The following ABCA13 variants were observed in gnomAD, a reference collection of about 807,000 sequenced individuals.
The protein encoded by ABCA13 is ATP binding cassette subfamily A member 13.
In ABCA13, 476 loss-of-function variants were observed where a neutral mutation model predicts 478.7. That is an observed-to-expected ratio of 0.99 (90% confidence interval 0.92 to 1.07). ABCA13 has a LOEUF of 1.07. Ranked by LOEUF, ABCA13 falls within the 50% of genes least tolerant of loss-of-function variation. The pLI is 0.00. For missense variants in ABCA13, 6,060 were observed against 5,910.6 expected (o/e 1.03, Z -0.83); for synonymous variants, 2,252 against 2,158.9 (o/e 1.04, Z -1.20).
chr7:48,412,542 C>A lies in ABCA13; in HGVS notation c.12418C>A (p.His4140Asn), dbSNP rs776061150. 1 of 1,612,920 alleles carries A rather than the reference C, an allele frequency of 6.2e-7. No individual in the cohort carries two copies. The highest frequency in any genetic ancestry group is 8.5e-7 in the Non-Finnish European group (1 of 1,179,576). Residue 4140 changes from histidine to asparagine, a missense_variant, in exon 41 of 62, where the codon CAC (histidine) becomes AAC (asparagine). Transcript: ENST00000435803. ...QALDENLHQL[H>N]LTGYGISDTT... ...CCTGGATGAGAACCTGCATCAGCTG[C>A]ACCTGACGGGCTATGGGATCTCAGA...
chr7:48,241,478 A>G (rs909820439), intron 10 of ABCA13, among the ~76,000 whole-genome samples: 10 of 152,214 alleles, frequency 6.6e-5, no homozygotes, highest in Non-Finnish European at 2.9e-5. Flanking sequence ...GATTTTGTAT[A>G]GTTGAAGTGT....
At chr7:48,227,140 A>C in intron 5 of ABCA13, 122 bp from the exon 6 acceptor site, 2 of 867,696 alleles carry the variant, frequency 2.3e-6, no homozygotes, top group South Asian at 3.2e-5. Context: ...GTGATATATT[A>C]AGTGTGAGTT....
At chr7:48,352,532 G>T in intron 31 of ABCA13, 45 bp downstream of exon 31, 1 of 1,499,478 alleles carries the variant, frequency 6.7e-7, no homozygotes, top group Non-Finnish European at 8.9e-7. Flanking sequence ...GAAGGGCCTT[G>T]CATTTGTCTA....
rs1331933393 is a variant in ABCA13 at position 48,587,207 on chromosome 7, T to A, written c.14559T>A (p.Pro4853=). Residue 4853 remains proline, a synonymous_variant, in exon 57 of 62, where the codon CCT becomes CCA. Transcript: ENST00000435803. The part of the protein sequence containing the change: ...RLHLEAHADK[P]VATYSGGTKR... Reference sequence around the variant, plus strand: ...ACCTCGAAGCCCACGCGGACAAACCTGTGGCCACCTACAGTGGGGGAACCA... The same window carrying A: ...ACCTCGAAGCCCACGCGGACAAACCAGTGGCCACCTACAGTGGGGGAACCA... 1 of 1,612,912 alleles carries A rather than the reference T, an allele frequency of 6.2e-7. No homozygotes were observed. Among genetic ancestry groups the A allele is most frequent in the East Asian group, 2.2e-5 (1 of 44,802 alleles).
At chr7:48,452,191 C>A (rs371462271) in intron 42 of ABCA13, among the ~76,000 whole-genome samples, 1 of 152,180 alleles carries the variant, frequency 6.6e-6, no homozygotes, top group African/African-American at 2.4e-5. Flanking sequence ...TACTATGACT[C>A]CGGGTCAACA....
At chr7:48,227,178 C>T in intron 5 of ABCA13, 84 bp from the exon 6 acceptor site, 3 of 1,450,590 alleles carry the variant, frequency 2.1e-6, no homozygotes, top group Non-Finnish European at 2.9e-6. Context: ...TACAATTTTG[C>T]ACCTTTGTAG....
chr7:48,559,993 G>A (rs975381780), intron 55 of ABCA13, among the ~76,000 whole-genome samples: 2 of 152,136 alleles, frequency 1.3e-5, no homozygotes, highest in Non-Finnish European at 2.9e-5. Context: ...GGGAAGGGTG[G>A]TGCAAGAACT....
At chr7:48,436,397 C>G (rs536118777) in intron 42 of ABCA13, among the ~76,000 whole-genome samples, 1 of 151,564 alleles carries the variant, frequency 6.6e-6, no homozygotes, top group Non-Finnish European at 1.5e-5. Context: ...GTTATTTGAA[C>G]CTTCTTTCTT....
chr7:48,511,108 C>T lies in ABCA13; in HGVS notation c.13549C>T (p.Leu4517=), dbSNP rs778255007. The T allele has an allele frequency of 6.2e-7, 1 of 1,613,648 alleles. No homozygotes were observed. Among genetic ancestry groups the T allele is most frequent in the African/African-American group, 1.3e-5 (1 of 75,018 alleles). The stretch of plus-strand genomic sequence containing the variant: ...GCTCTTTTACTTGGTTTCCGTCTGC[C>T]TGTGTGTTGCCGTTATTGTCGCCTT... ...DMLFYLVSVC[L]CVAVIVAFQL... Residue 4517 remains leucine (L), a synonymous_variant, in exon 51 of 62, where the codon CTG becomes TTG. Coordinates refer to ENST00000435803, the MANE Select transcript of ABCA13 (RefSeq NM_152701.5).
At chr7:48,516,459 C>G (rs1160742927) in intron 51 of ABCA13, among the ~76,000 whole-genome samples, 2 of 152,018 alleles carry the variant, frequency 1.3e-5, no homozygotes, top group Non-Finnish European at 2.9e-5. Context: ...CTAGATGGCC[C>G]CAAAGTGCTA....
At chr7:48,561,162 G>C (rs1270287215) in intron 55 of ABCA13, among the ~76,000 whole-genome samples, 2 of 151,988 alleles carry the variant, frequency 1.3e-5, no homozygotes, top group East Asian at 3.9e-4. Context: ...CATGCAGGTT[G>C]ATTCCATAAC....
intron 30 of ABCA13, among the ~76,000 whole-genome samples, 183 bp from the exon 31 acceptor site, chr7:48,351,998 C>T (rs959215822): frequency 6.6e-6 from 1 of 152,210 alleles, no homozygotes; most frequent in South Asian, 2.1e-4. Context: ...TTTAGGCTTA[C>T]CACCAATTGC....
intron 56 of ABCA13, among the ~76,000 whole-genome samples, chr7:48,585,296 G>A (rs894915885): frequency 6.6e-6 from 1 of 152,132 alleles, no homozygotes; most frequent in African/African-American, 2.4e-5. Context: ...GAAAAAGGAT[G>A]ATTCATATAA....
At chr7:48,618,050 A>G (rs576037196) in intron 59 of ABCA13, among the ~76,000 whole-genome samples, 1 of 152,274 alleles carries the variant, frequency 6.6e-6, no homozygotes, top group East Asian at 1.9e-4. Flanking sequence ...CTCAGATGAG[A>G]AACAGCTCTT....
chr7:48,391,818 T>C (rs937344532), intron 37 of ABCA13, 103 bp from the exon 38 acceptor site: 34 of 1,085,488 alleles, frequency 3.1e-5, no homozygotes, highest in Non-Finnish European at 4.2e-5. Flanking sequence ...AGAAGGTGAG[T>C]GCTCTTGGCA....
chr7:48,309,718 G>A lies in ABCA13; in HGVS notation c.9322-229G>A, dbSNP rs1035591845. Among the ~76,000 whole-genome samples the A allele has an allele frequency of 4.5e-4, 69 of 152,150 alleles. 1 individual carries two copies. The highest frequency in any genetic ancestry group is 5.9e-5 in the Non-Finnish European group (4 of 68,030). ...GAAGGGTGATCCAAAGACCTCAAGCGAGGGCAAATTTTATAAGAAGTCAGA... is the reference window on the plus strand; with the variant it reads ...GAAGGGTGATCCAAAGACCTCAAGCAAGGGCAAATTTTATAAGAAGTCAGA... On this transcript the variant is annotated intron_variant, in intron 23 of 61. Coordinates refer to ENST00000435803, the MANE Select transcript of ABCA13 (RefSeq NM_152701.5).
intron 54 of ABCA13, among the ~76,000 whole-genome samples, chr7:48,526,959 T>G (rs1201322566): frequency 6.6e-6 from 1 of 152,158 alleles, no homozygotes; most frequent in East Asian, 1.9e-4. Flanking sequence ...TCATAATAAT[T>G]GTTATCCTCC....
At chr7:48,202,729 AT>A (rs1200183142) in intron 3 of ABCA13, among the ~76,000 whole-genome samples, 1 of 151,944 alleles carries the variant, frequency 6.6e-6, no homozygotes, top group Admixed American at 6.6e-5. Context: ...CAGGGTGCTG[AT>A]TGGTGTATTT....
chr7:48,279,298 C>G lies in ABCA13; in HGVS notation c.8104C>G (p.His2702Asp). Residue 2702 changes from histidine to aspartate, a missense_variant, in exon 18 of 62, where the codon CAT (histidine) becomes GAT (aspartate). Coordinates refer to ENST00000435803, the MANE Select transcript of ABCA13 (RefSeq NM_152701.5). ...DFLYPNPISTHSGPQDIKWEI... is the reference protein window; with the variant it reads ...DFLYPNPISTDSGPQDIKWEI... ...CTTATACCCTAATCCAATTTCCACT[C>G]ATAGTGGCCCTCAAGATATAAAATG... The G allele has an allele frequency of 6.3e-7, 1 of 1,588,670 alleles. No individual in the cohort carries two copies. Among genetic ancestry groups the G allele is most frequent in the Non-Finnish European group, 8.6e-7 (1 of 1,165,498 alleles).
Sources: allele counts gnomAD v4.1 joint callset (sites outside exome capture counted in the v4.1 genomes callset), GRCh38; gene constraint gnomAD v4.1.1; transcripts MANE v1.5; gene names NCBI Gene and HGNC (gene_info 2026-07-23, HGNC 2026-07-21).